The following TLE3 variants were observed in gnomAD, a reference collection of about 807,000 sequenced individuals.
TLE3 encodes transducin-like enhancer protein 3.
Under a neutral mutation model 93.0 loss-of-function variants are expected in TLE3, and 14 were observed. That is an observed-to-expected ratio of 0.15 (90% confidence interval 0.10 to 0.24). TLE3 has a LOEUF of 0.24. Among genes scored for constraint, TLE3 ranks in the 10% least tolerant of loss-of-function variants. The probability of loss-of-function intolerance (pLI) is 1.00; values close to 1 mark genes in which losing one functional copy is unlikely to be tolerated. For synonymous variants in TLE3, 451 were observed against 425.0 expected (o/e 1.06, Z -0.75); for missense variants, 693 against 1,046.6 (o/e 0.66, Z 4.66).
intron 16 of TLE3, 88 bp downstream of exon 16, chr15:70,054,350 A>G: frequency 6.5e-7 from 1 of 1,533,946 alleles, no homozygotes; most frequent in East Asian, 2.3e-5. Context: ...TGCCTCAGAC[A>G]GGGCCAAGGT....
chr15:70,079,266 C>CA (rs1172333759), intron 4 of TLE3: 1 of 427,950 alleles, frequency 2.3e-6, no homozygotes, highest in Non-Finnish European at 4.6e-6. Context: ...GGGGTAGTGG[C>CA]ATTCAGGCTG....
intron 19 of TLE3, chr15:70,050,782 GA>G: frequency 6.3e-6 from 1 of 157,926 alleles, no homozygotes; most frequent in African/African-American, 2.4e-5. Context: ...GAGAGAGGAA[GA>G]AAGTGTGTGG....
intron 6 of TLE3, among the ~76,000 whole-genome samples, chr15:70,068,907 G>A (rs995494270): frequency 3.9e-5 from 6 of 152,236 alleles, no homozygotes; most frequent in South Asian, 2.1e-4. Flanking sequence ...GAGCCAGGCA[G>A]AATAAGGCAG....
intron 6 of TLE3, 75 bp downstream of exon 6, chr15:70,074,458 A>G (rs781597898): frequency 6.5e-7 from 1 of 1,530,868 alleles, no homozygotes; most frequent in South Asian, 1.2e-5. Flanking sequence ...GTCAGGGTCA[A>G]TCTCTGGTTA....
chr15:70,057,155 C>T (rs1250405780), intron 13 of TLE3, among the ~76,000 whole-genome samples: 1 of 152,220 alleles, frequency 6.6e-6, no homozygotes, highest in African/African-American at 2.4e-5. Context: ...CCCTGGGATT[C>T]CTACCCCCCA....
intron 6 of TLE3, among the ~76,000 whole-genome samples, chr15:70,071,438 G>A (rs1365167793): frequency 6.6e-6 from 1 of 151,978 alleles, no homozygotes; most frequent in Non-Finnish European, 1.5e-5. Context: ...ATGCCACCCT[G>A]ACCTTGGATC....
chr15:70,082,671 C>T (rs2057838142), intron 4 of TLE3, among the ~76,000 whole-genome samples: 1 of 152,228 alleles, frequency 6.6e-6, no homozygotes, highest in Non-Finnish European at 1.5e-5. Flanking sequence ...ACAAGAAAGG[C>T]CCAGCCCCCC....
At position 70,050,160 on chromosome 15, in the gene TLE3, A is replaced by G. The variant is rs1358051319; in HGVS notation, c.2247T>C (p.Asp749=). 6.2e-7 allele frequency: 1 copy of G among 1,614,034 alleles called. No homozygotes were observed. The highest frequency in any genetic ancestry group is 1.3e-5 in the African/African-American group (1 of 74,946). The change falls in exon 20 of 20, where the codon GAT becomes GAC. Residue 749 remains aspartate, a synonymous_variant. Transcript: ENST00000451782. ...SSVLSCDISA[D]DKYIVTGSGD... The stretch of plus-strand genomic sequence containing the variant: ...CAGAGCCTGTTACAATGTATTTGTC[A>G]TCCGCTGAAATGTCACAACTCAAGA...
chr15:70,051,287 C>T (rs1236319915), intron 19 of TLE3, 104 bp downstream of exon 19: 7 of 1,204,476 alleles, frequency 5.8e-6, no homozygotes, highest in Non-Finnish European at 5.8e-6. Flanking sequence ...GATCCTGGCT[C>T]CAGGCTCCTC....
intron 4 of TLE3, among the ~76,000 whole-genome samples, chr15:70,078,417 C>A (rs1441374160): frequency 6.6e-6 from 1 of 152,166 alleles, no homozygotes; most frequent in Admixed American, 6.5e-5. Flanking sequence ...ACAAAAAAAA[C>A]CAACCTTACT....
At chr15:70,068,883 C>T (rs1007430833) in intron 6 of TLE3, among the ~76,000 whole-genome samples, 2 of 152,226 alleles carry the variant, frequency 1.3e-5, no homozygotes. Context: ...AGAGCTCTAA[C>T]GGCACAGACA....
At chr15:70,052,903 A>G (rs2055674552) in intron 17 of TLE3, 1 of 338,910 alleles carries the variant, frequency 3.0e-6, no homozygotes, top group South Asian at 7.2e-5. Flanking sequence ...TAGAGGGATC[A>G]TTTCAGGTGC....
In TLE3 at chr15:70,058,834, C is replaced by T; in HGVS notation, c.766-19G>A. The T allele has an allele frequency of 1.3e-6, 2 of 1,538,464 alleles. No individual in the cohort carries two copies. Among genetic ancestry groups the T allele is most frequent in the South Asian group, 1.3e-5 (1 of 78,990 alleles). On this transcript the variant is annotated intron_variant, in intron 10 of 19. Transcript: ENST00000451782. This position sits in a 1 kb window ranked among gnomAD's most constrained non-coding sequence, Gnocchi z 4.1. ...CGGGGTCCTGAAAACACAAGTGATG[C>T]AGAGATGCACTGAAAGCAACAGCCA...
intron 4 of TLE3, among the ~76,000 whole-genome samples, chr15:70,091,356 T>C (rs1227598329): frequency 2.0e-5 from 3 of 152,230 alleles, no homozygotes; most frequent in Admixed American, 6.5e-5. Context: ...ATCCAATGCA[T>C]GGCAATTGCT....
chr15:70,064,494 A>C, intron 7 of TLE3, 24 bp from the exon 8 acceptor site: 5 of 1,613,954 alleles, frequency 3.1e-6, no homozygotes, highest in Non-Finnish European at 4.2e-6. Flanking sequence ...AGGCCAGGAC[A>C]GGAGGAAGGT....
At chr15:70,091,233 C>T (rs980382124) in intron 4 of TLE3, among the ~76,000 whole-genome samples, 4 of 152,222 alleles carry the variant, frequency 2.6e-5, no homozygotes, top group African/African-American at 7.2e-5. Context: ...TGTGTCGGCA[C>T]GACACTGCCC....
chr15:70,064,068 C>CAGA (rs1567007743), intron 8 of TLE3, among the ~76,000 whole-genome samples: 2 of 152,314 alleles, frequency 1.3e-5, no homozygotes, highest in Non-Finnish European at 1.5e-5. Flanking sequence ...CAGAGTATCA[C>CAGA]CTCTCATATG....
Position 70,066,086 on chromosome 15 carries a change from G to A in TLE3, c.505C>T (p.Leu169=), listed in dbSNP as rs573778336. 1.2e-4 allele frequency: 194 copies of A among 1,596,692 alleles called. 2 individuals carry two copies. The South Asian group carries it at 2.0e-3, about 17-fold the overall frequency. The change falls in exon 7 of 20, where the codon CTG becomes TTG. Residue 169 remains leucine, a synonymous_variant. Coordinates refer to ENST00000451782, the MANE Select transcript of TLE3 (RefSeq NM_001105192.3). The part of the protein sequence containing the change: ...VTGSSSGLLA[L]GALGSQAHLT... ...TGGGCCTGGCTGCCCAGGGCGCCCAGTGCCAGCAGCCCGGAGCTGCTCCCT... is the reference window on the plus strand; with the variant it reads ...TGGGCCTGGCTGCCCAGGGCGCCCAATGCCAGCAGCCCGGAGCTGCTCCCT...
chr15:70,050,070 G>C lies in TLE3; in HGVS notation c.*27C>G. On this transcript the variant is annotated 3_prime_UTR_variant, in exon 20 of 20. Transcript: ENST00000451782. The stretch of plus-strand genomic sequence containing the variant: ...CAGAGCCGAGTCGGTTTCTCCCAGA[G>C]TTTGACAGCCCTGCTGGAGTTCTTG... 1 of 1,598,266 alleles carries C rather than the reference G, an allele frequency of 6.3e-7. No individual in the cohort carries two copies. Among genetic ancestry groups the C allele is most frequent in the East Asian group, 2.2e-5 (1 of 44,764 alleles).
Sources: allele counts gnomAD v4.1 joint callset (sites outside exome capture counted in the v4.1 genomes callset), GRCh38; gene constraint gnomAD v4.1.1; non-coding constraint Gnocchi (gnomAD v3.1); transcripts MANE v1.5; gene names NCBI Gene and HGNC (gene_info 2026-07-23, HGNC 2026-07-21).